Variants in PCDHGA8 observed in about 807,000 individuals in gnomAD.
PCDHGA8 encodes protocadherin gamma-A8.
Under a neutral mutation model 59.2 loss-of-function variants are expected in PCDHGA8, and 45 were observed. That is an observed-to-expected ratio of 0.76 (90% confidence interval 0.60 to 0.98). The LOEUF (loss-of-function observed/expected upper bound fraction) is 0.98, where lower values mean the gene tolerates loss of function less well. PCDHGA8 is among the 50% of genes least tolerant of loss of function. PCDHGA8 has a pLI of 0.00. For missense variants in PCDHGA8, 1,257 were observed against 1,196.2 expected (o/e 1.05, Z -0.75); for synonymous variants, 531 against 519.0 (o/e 1.02, Z -0.32).
At chr5:141,454,316 A>G (rs887472165) in intron 1 of PCDHGA8, among the ~76,000 whole-genome samples, 4 of 152,188 alleles carry the variant, frequency 2.6e-5, no homozygotes, top group Non-Finnish European at 4.4e-5. Context: ...AAGCATTGAA[A>G]CCTCCAAGAA....
chr5:141,421,291 G>C, intron 1 of PCDHGA8: 1 of 1,613,364 alleles, frequency 6.2e-7, no homozygotes, highest in Middle Eastern at 1.6e-4. Context: ...CATTTTCCTG[G>C]GGACGCTGCG....
rs200576950 is a variant in PCDHGA8 at position 141,477,475 on chromosome 5, C to T, written c.2425-17332C>T. The T allele has an allele frequency of 1.2e-6, 2 of 1,614,124 alleles. No individual in the cohort carries two copies. Among genetic ancestry groups the T allele is most frequent in the African/African-American group, 2.7e-5 (2 of 75,010 alleles). ...TTCAAGTGTCCGACATCAATGACAACCCTCCACAATCTTCTCAATCTTCCT... is the reference window on the plus strand; with the variant it reads ...TTCAAGTGTCCGACATCAATGACAATCCTCCACAATCTTCTCAATCTTCCT... On this transcript the variant is annotated intron_variant, in intron 1 of 3. Transcript: ENST00000398604. The surrounding 1 kb of genome is among the most constrained non-coding windows in gnomAD (Gnocchi z 4.9).
At position 141,487,447 on chromosome 5, in the gene PCDHGA8, C is replaced by A. The variant is rs758411138; in HGVS notation, c.2425-7360C>A. 4.3e-6 allele frequency: 7 copies of A among 1,614,182 alleles called. No homozygotes were observed. The highest frequency in any genetic ancestry group is 5.9e-6 in the Non-Finnish European group (7 of 1,180,028). Reference sequence around the variant, plus strand: ...TCCGAATCCAGCTAGGGTCAGATGACCCTATCAAGTTTGTTGATGTGGGAG... The same window carrying A: ...TCCGAATCCAGCTAGGGTCAGATGAACCTATCAAGTTTGTTGATGTGGGAG... On this transcript the variant is annotated intron_variant, in intron 1 of 3. Coordinates refer to ENST00000398604, the MANE Select transcript of PCDHGA8 (RefSeq NM_032088.2). The surrounding 1 kb of genome is among the most constrained non-coding windows in gnomAD (Gnocchi z 5.0).
At chr5:141,398,328 C>G in intron 1 of PCDHGA8, 7 of 1,353,010 alleles carry the variant, frequency 5.2e-6, no homozygotes, top group Non-Finnish European at 7.2e-6. Context: ...GAAAACTGCG[C>G]GTCAGTTCGG....
chr5:141,423,569 T>A, intron 1 of PCDHGA8: 2 of 1,613,480 alleles, frequency 1.2e-6, no homozygotes, highest in Non-Finnish European at 1.7e-6. Context: ...GACACGCTCA[T>A]CAGCCAGGAG....
chr5:141,483,786 C>T (rs2099587125), intron 1 of PCDHGA8, among the ~76,000 whole-genome samples: 1 of 152,136 alleles, frequency 6.6e-6, no homozygotes, highest in African/African-American at 2.4e-5. Context: ...AGGATAAGAA[C>T]TCCAGTTGTT....
Position 141,485,166 on chromosome 5 carries a change from C to T in PCDHGA8, c.2425-9641C>T, listed in dbSNP as rs1180453938. 2 of 1,606,374 alleles carry T rather than the reference C, an allele frequency of 1.2e-6. No individual in the cohort carries two copies. Among genetic ancestry groups the T allele is most frequent in the Non-Finnish European group, 8.5e-7 (1 of 1,174,214 alleles). ...CAGGAGCAAGTAGAGAATTAGCGGG[C>T]GGCAGCAATGCTCCGCAAGGTGAGA... On this transcript the variant is annotated intron_variant, in intron 1 of 3. Transcript: ENST00000398604. The surrounding 1 kb of genome is among the most constrained non-coding windows in gnomAD (Gnocchi z 5.7).
chr5:141,460,092 T>C (rs186695697), intron 1 of PCDHGA8, among the ~76,000 whole-genome samples: 37 of 152,056 alleles, frequency 2.4e-4, no homozygotes, highest in Admixed American at 9.8e-4. Context: ...ATAATAATTA[T>C]ACATGTAATT....
Position 141,485,731 on chromosome 5 carries a change from C to T in PCDHGA8, c.2425-9076C>T, listed in dbSNP as rs1440070106. The T allele has an allele frequency of 1.9e-6, 3 of 1,614,036 alleles. No individual in the cohort carries two copies. The highest frequency in any genetic ancestry group is 2.2e-5 in the South Asian group (2 of 91,080). On this transcript the variant is annotated intron_variant, in intron 1 of 3. Transcript: ENST00000398604. This position sits in a 1 kb window ranked among gnomAD's most constrained non-coding sequence, Gnocchi z 5.7. ...TTGCACTGGATGTGAAGAAGCGCAG[C>T]GACGGCAGCCTGGTCCCAGAGCTGC...
chr5:141,453,341 C>T (rs1327119655), intron 1 of PCDHGA8, among the ~76,000 whole-genome samples: 2 of 151,822 alleles, frequency 1.3e-5, no homozygotes, highest in East Asian at 3.9e-4. Context: ...CTATGTTTCC[C>T]CAGGCTGACC....
At chr5:141,398,041 G>A in intron 1 of PCDHGA8, 3 of 1,492,894 alleles carry the variant, frequency 2.0e-6, no homozygotes, top group Non-Finnish European at 2.7e-6. Context: ...ACTAAAGCCC[G>A]TTCGGAGATC....
intron 1 of PCDHGA8, among the ~76,000 whole-genome samples, chr5:141,474,227 G>A (rs1394834744): frequency 6.6e-6 from 1 of 152,190 alleles, no homozygotes; most frequent in Non-Finnish European, 1.5e-5. Flanking sequence ...TGTGAATTAA[G>A]TGATGCTGAA....
intron 1 of PCDHGA8, chr5:141,420,193 A>G: frequency 6.2e-7 from 1 of 1,613,766 alleles, no homozygotes; most frequent in South Asian, 1.1e-5. Context: ...CAGCCACACA[A>G]GATAACCTCA....
intron 1 of PCDHGA8, chr5:141,404,393 A>G: frequency 6.2e-7 from 1 of 1,613,962 alleles, no homozygotes; most frequent in Non-Finnish European, 8.5e-7. Flanking sequence ...TGACCCTGAT[A>G]GCAATGAGAA....
In PCDHGA8 at chr5:141,395,543, TG is replaced by T. The variant is rs1247307480; in HGVS notation, c.2424+307del. 6.3e-3 allele frequency: 52 copies of T among 8,206 alleles called. 1 individual carries two copies. The highest frequency in any genetic ancestry group is 0.048 in the African/African-American group (46 of 952). 0.5% of individuals were successfully genotyped at this position (8,206 alleles called of 1,614,324 possible). On this transcript the variant is annotated intron_variant, in intron 1 of 3. Coordinates refer to ENST00000398604, the MANE Select transcript of PCDHGA8 (RefSeq NM_032088.2). ...CCATACTGGTAATTTTGCTATTGTT[TG>T]TGTGTGTGTGTGTGTGTGTGTGTGT...
chr5:141,456,301 C>CA (rs761557752), intron 1 of PCDHGA8, among the ~76,000 whole-genome samples: 14 of 152,154 alleles, frequency 9.2e-5, no homozygotes, highest in Non-Finnish European at 1.6e-4. Flanking sequence ...TAATGGAGAA[C>CA]AGCAGCTAGG....
chr5:141,429,960 A>C (rs981722031), intron 1 of PCDHGA8, among the ~76,000 whole-genome samples: 2 of 152,244 alleles, frequency 1.3e-5, no homozygotes, highest in African/African-American at 4.8e-5. Flanking sequence ...AGTCAATGCA[A>C]GTTGGAATGC....
rs776015544 is a variant in PCDHGA8, at chr5:141,485,125, G to C, written c.2425-9682G>C. The C allele has an allele frequency of 7.1e-7, 1 of 1,412,278 alleles. No homozygotes were observed. Among genetic ancestry groups the C allele is most frequent in the Admixed American group, 1.7e-5 (1 of 57,660 alleles). 87.5% of individuals were successfully genotyped at this position (1,412,278 alleles called of 1,614,324 possible). On this transcript the variant is annotated intron_variant, in intron 1 of 3. Transcript: ENST00000398604. The surrounding 1 kb of genome is among the most constrained non-coding windows in gnomAD (Gnocchi z 5.7). The stretch of plus-strand genomic sequence containing the variant: ...CTGCTGTGGCTGTTTGGGGCGGGTC[G>C]GCTTCATCCGCGTCTCAGGAGCAAG...
chr5:141,433,671 A>G (rs1376085577), intron 1 of PCDHGA8, among the ~76,000 whole-genome samples: 12 of 152,058 alleles, frequency 7.9e-5, no homozygotes, highest in Admixed American at 7.2e-4. Flanking sequence ...CCCCGTCTAT[A>G]CTAAAAAAAT....
Sources: allele counts gnomAD v4.1 joint callset (sites outside exome capture counted in the v4.1 genomes callset), GRCh38; gene constraint gnomAD v4.1.1; non-coding constraint Gnocchi (gnomAD v3.1); transcripts MANE v1.5; gene names NCBI Gene and HGNC (gene_info 2026-07-23, HGNC 2026-07-21).